SH3GLB1: variants seen among roughly 807,000 people sequenced by gnomAD.
The protein encoded by SH3GLB1 is SH3 domain containing GRB2 like, endophilin B1, also known as endophilin-B1.
SH3GLB1 carries 17 observed loss-of-function variants against 42.0 expected under a neutral mutation model. That is an observed-to-expected ratio of 0.40 (90% CI 0.28 to 0.61). The LOEUF (loss-of-function observed/expected upper bound fraction) is 0.61, where lower values mean the gene tolerates loss of function less well. Ranked by LOEUF, SH3GLB1 falls within the 20% of genes least tolerant of loss-of-function variation. The pLI, the probability that SH3GLB1 is intolerant of heterozygous loss-of-function variation, is 0.36. For missense variants in SH3GLB1, 355 were observed against 426.3 expected (o/e 0.83, Z 1.47); for synonymous variants, 132 against 146.6 (o/e 0.90, Z 0.72).
At chr1:86,739,362 G>C (rs571022233) in intron 7 of SH3GLB1, among the ~76,000 whole-genome samples, 9 of 152,324 alleles carry the variant, frequency 5.9e-5, no homozygotes, top group African/African-American at 2.2e-4. Flanking sequence ...TGGAAACTAA[G>C]AGTATGGCCT....
chr1:86,742,178 A>T (rs764056099), intron 7 of SH3GLB1, 30 bp from the exon 8 acceptor site: 1 of 1,578,364 alleles, frequency 6.3e-7, no homozygotes, highest in South Asian at 1.1e-5. Context: ...TCACTTGGAA[A>T]TAAATAATTC....
intron 7 of SH3GLB1, among the ~76,000 whole-genome samples, chr1:86,740,334 T>C (rs1042292699): frequency 6.6e-6 from 1 of 152,196 alleles, no homozygotes; most frequent in Non-Finnish European, 1.5e-5. Context: ...TGTAGTATCA[T>C]TGCCAGGTGG....
intron 5 of SH3GLB1, among the ~76,000 whole-genome samples, chr1:86,730,539 G>A (rs901829984): frequency 4.6e-5 from 7 of 151,100 alleles, no homozygotes; most frequent in South Asian, 2.1e-4. Flanking sequence ...TGCTCTTGTC[G>A]CCCAGGCTGG....
At chr1:86,719,880 C>T (rs1028456383) in intron 3 of SH3GLB1, among the ~76,000 whole-genome samples, 3 of 151,008 alleles carry the variant, frequency 2.0e-5, no homozygotes, top group Non-Finnish European at 2.9e-5. Flanking sequence ...CCTGTAGTCC[C>T]AGCTACTTGG....
Position 86,704,950 on chromosome 1 carries a change from C to T in SH3GLB1, c.51C>T (p.Thr17=). Residue 17 remains threonine (T), a synonymous_variant, in exon 1 of 9, where the codon ACC becomes ACT. Coordinates refer to ENST00000370558, the MANE Select transcript of SH3GLB1 (RefSeq NM_016009.5). ...AGAAGCTGGCGGCCGACGCAGGCAC[C>T]TTCCTCAGTCGCGCCGTGCAGGTAC... ...NVKKLAADAG[T]FLSRAVQFTE... 4 of 1,585,182 alleles carry T rather than the reference C, an allele frequency of 2.5e-6. No homozygotes were observed. Among genetic ancestry groups the T allele is most frequent in the African/African-American group, 2.8e-5 (2 of 71,470 alleles).
At chr1:86,706,768 C>T (rs1247853726) in intron 1 of SH3GLB1, among the ~76,000 whole-genome samples, 1 of 152,180 alleles carries the variant, frequency 6.6e-6, no homozygotes, top group African/African-American at 2.4e-5. Flanking sequence ...AGACGTATAA[C>T]TCACACCCCT....
chr1:86,711,718 T>C (rs555498162), intron 1 of SH3GLB1, among the ~76,000 whole-genome samples: 18 of 152,214 alleles, frequency 1.2e-4, no homozygotes, highest in Admixed American at 5.2e-4. Flanking sequence ...TTAAAATTTT[T>C]TGGTAACTAG....
chr1:86,706,439 C>G (rs1346806579), intron 1 of SH3GLB1, among the ~76,000 whole-genome samples: 3 of 152,176 alleles, frequency 2.0e-5, no homozygotes. Context: ...AGCTAGCTGC[C>G]TTAACCCTTT....
At chr1:86,722,758 G>C in intron 4 of SH3GLB1, 85 bp downstream of exon 4, 8 of 1,111,458 alleles carry the variant, frequency 7.2e-6, no homozygotes, top group Non-Finnish European at 8.7e-6. Flanking sequence ...CTTAATGACT[G>C]TGTAGATGTA....
intron 7 of SH3GLB1, among the ~76,000 whole-genome samples, chr1:86,741,176 A>G (rs1656044444): frequency 6.6e-6 from 1 of 152,228 alleles, no homozygotes; most frequent in African/African-American, 2.4e-5. Flanking sequence ...AAACGCTAGC[A>G]CTGGAGGATG....
At position 86,743,916 on chromosome 1, in the gene SH3GLB1, G is replaced by A. The variant is rs934533912; in HGVS notation, c.*681G>A. 1.3e-5 allele frequency: 2 copies of A among 152,440 alleles called. No individual in the cohort carries two copies. The highest frequency in any genetic ancestry group is 4.8e-5 in the African/African-American group (2 of 41,386). 9.4% of individuals were successfully genotyped at this position (152,440 alleles called of 1,614,324 possible). A position where few individuals can be genotyped will look rare whatever the true frequency, so the allele number is the denominator to read the frequency against. ...TTTCTCTGATAAATTTGTAGTTAAGGTTCTAGAAAATCTAGGACAAATTTA... is the reference window on the plus strand; with the variant it reads ...TTTCTCTGATAAATTTGTAGTTAAGATTCTAGAAAATCTAGGACAAATTTA... On this transcript the variant is annotated 3_prime_UTR_variant, in exon 9 of 9. Coordinates refer to ENST00000370558, the MANE Select transcript of SH3GLB1 (RefSeq NM_016009.5).
chr1:86,722,692 C>G lies in SH3GLB1; in HGVS notation c.477+19C>G, dbSNP rs1487565579. The G allele has an allele frequency of 1.2e-5, 19 of 1,570,872 alleles. No homozygotes were observed. The highest frequency in any genetic ancestry group is 1.6e-5 in the Non-Finnish European group (19 of 1,160,910). ...AATTGCTGTGAGTTGAAAAATGTCC[C>G]CTTTATTTAGTAAAATCATTTAGAT... On this transcript the variant is annotated intron_variant, in intron 4 of 8. Transcript: ENST00000370558.
At chr1:86,736,881 AT>A (rs1655806166) in intron 7 of SH3GLB1, among the ~76,000 whole-genome samples, 1 of 152,240 alleles carries the variant, frequency 6.6e-6, no homozygotes, top group Non-Finnish European at 1.5e-5. Context: ...AAATATTCAA[AT>A]ATAGAACTTG....
intron 7 of SH3GLB1, among the ~76,000 whole-genome samples, chr1:86,737,643 T>C (rs990584221): frequency 6.6e-6 from 1 of 152,170 alleles, no homozygotes; most frequent in African/African-American, 2.4e-5. Context: ...ATGTGGGGGA[T>C]ATAGTATATA....
rs369336536 is a variant in SH3GLB1 at position 86,719,588 on chromosome 1, A to G, written c.296A>G (p.Gln99Arg). ...SRINNPELLG[Q>R]YMIDAGTEFG... Reference sequence around the variant, plus strand: ...ATAAACAACCCAGAACTTTTGGGACAATATATGATTGATGCAGGGACTGAG... The same window carrying G: ...ATAAACAACCCAGAACTTTTGGGACGATATATGATTGATGCAGGGACTGAG... Residue 99 changes from glutamine to arginine, a missense_variant, in exon 3 of 9, where the codon CAA becomes CGA. Gln to Arg is a conservative substitution (Grantham distance 43, BLOSUM62 1). Transcript: ENST00000370558. 3.7e-6 allele frequency: 6 copies of G among 1,611,590 alleles called. No individual in the cohort carries two copies. Among genetic ancestry groups the G allele is most frequent in the Non-Finnish European group, 4.2e-6 (5 of 1,178,830 alleles).
At chr1:86,706,235 TGCTTTTTCTTCCG>T (rs1185455258) in intron 1 of SH3GLB1, among the ~76,000 whole-genome samples, 2 of 152,366 alleles carry the variant, frequency 1.3e-5, no homozygotes, top group East Asian at 3.9e-4. Context: ...TACTCCCAGC[TGCTTTTTCTTCCG>T]GGATAAGCAT....
intron 2 of SH3GLB1, among the ~76,000 whole-genome samples, chr1:86,716,313 C>T (rs1171509513): frequency 1.3e-5 from 2 of 152,068 alleles, no homozygotes; most frequent in African/African-American, 2.4e-5. Context: ...CTCGCCCTGT[C>T]GCCCATGCTG....
intron 3 of SH3GLB1, among the ~76,000 whole-genome samples, chr1:86,720,362 G>T (rs533274904): frequency 3.9e-5 from 6 of 152,164 alleles, no homozygotes; most frequent in African/African-American, 1.4e-4. Flanking sequence ...TAATTTTGCA[G>T]TAATGTCAGT....
chr1:86,724,200 A>C (rs1655028060), intron 4 of SH3GLB1, 113 bp from the exon 5 acceptor site: 1 of 677,562 alleles, frequency 1.5e-6, no homozygotes. Context: ...TTGTAGTCAT[A>C]GATCTTTATC....
Sources: gnomAD v4.1 joint callset for allele counts (sites outside exome capture counted in the v4.1 genomes callset) on GRCh38, gnomAD v4.1.1 for gene constraint, MANE v1.5 for transcripts, NCBI Gene and HGNC (gene_info 2026-07-23, HGNC 2026-07-21) for gene names.